ORC2: variants seen among roughly 807,000 people sequenced by gnomAD.
ORC2 encodes origin recognition complex subunit 2, also known as origin recognition complex protein 2 homolog.
In ORC2, 37 loss-of-function variants were observed where a neutral mutation model predicts 77.7. The ratio of observed to expected loss-of-function variants is 0.48; its 90% CI spans 0.37 to 0.63. ORC2 has a LOEUF of 0.63. Ranked by LOEUF, ORC2 falls within the 20% of genes least tolerant of loss-of-function variation. The pLI, the probability that ORC2 is intolerant of heterozygous loss-of-function variation, is 0.00. For synonymous variants in ORC2, 201 were observed against 229.5 expected, an observed-to-expected ratio of 0.88 and a Z score of 1.12; for missense variants, 557 against 661.9, an observed-to-expected ratio of 0.84 and a Z score of 1.74.
At chr2:200,935,419 A>G (rs965960445) in intron 9 of ORC2, among the ~76,000 whole-genome samples, 6 of 152,238 alleles carry the variant, frequency 3.9e-5, no homozygotes, top group African/African-American at 7.2e-5. Context: ...CACTGTGCCC[A>G]GCCTAAAAAG....
intron 15 of ORC2, among the ~76,000 whole-genome samples, chr2:200,916,556 CA>C (rs1231321813): frequency 6.6e-6 from 1 of 152,104 alleles, no homozygotes; most frequent in Non-Finnish European, 1.5e-5. Context: ...CATGGACCCT[CA>C]ACTTTACACA....
intron 15 of ORC2, among the ~76,000 whole-genome samples, chr2:200,916,993 CTTT>C (rs1165127308): frequency 8.5e-5 from 9 of 105,580 alleles, no homozygotes; most frequent in South Asian, 2.9e-4. Flanking sequence ...TGTGCCCCAC[CTTT>C]TTTTTTTTTT....
chr2:200,932,850 A>G (rs1575165286), intron 10 of ORC2, among the ~76,000 whole-genome samples: 2 of 152,278 alleles, frequency 1.3e-5, no homozygotes, highest in East Asian at 3.9e-4. Flanking sequence ...AGAAACATGG[A>G]GCAAATCCTA....
chr2:200,949,256 A>AAG (rs1172878291), intron 5 of ORC2, among the ~76,000 whole-genome samples: 1 of 151,804 alleles, frequency 6.6e-6, no homozygotes, highest in Non-Finnish European at 1.5e-5. Flanking sequence ...AAAAAAAAAA[A>AAG]GAAACTAAGC....
intron 13 of ORC2, 43 bp from the exon 14 acceptor site, chr2:200,921,182 G>A: frequency 2.2e-6 from 3 of 1,367,260 alleles, no homozygotes; most frequent in Non-Finnish European, 3.0e-6. Flanking sequence ...ATTATTTTTA[G>A]AGGGTCTCAC....
intron 17 of ORC2, among the ~76,000 whole-genome samples, chr2:200,911,905 C>A (rs530774105): frequency 6.6e-6 from 1 of 152,294 alleles, no homozygotes; most frequent in South Asian, 2.1e-4. Flanking sequence ...AGCTACTGTT[C>A]CCATTATCAC....
chr2:200,927,639 G>A (rs896261170), intron 11 of ORC2, among the ~76,000 whole-genome samples: 10 of 150,010 alleles, frequency 6.7e-5, no homozygotes, highest in Admixed American at 4.0e-4. Context: ...GCAGTGAGCC[G>A]AGATCCCGCC....
At chr2:200,954,758 T>G (rs1218785764) in intron 4 of ORC2, among the ~76,000 whole-genome samples, 2 of 152,020 alleles carry the variant, frequency 1.3e-5, no homozygotes, top group African/African-American at 2.4e-5. Context: ...TACTGAAATT[T>G]TTAGGGTGGG....
chr2:200,942,013 A>G lies in ORC2; in HGVS notation c.421+672T>C, dbSNP rs144050786. Among the ~76,000 whole-genome samples, 438 of 143,934 alleles carry G rather than the reference A, an allele frequency of 3.0e-3. 3 individuals are homozygous for G. The highest frequency in any genetic ancestry group is 0.01 in the African/African-American group (417 of 40,518). The allele number at this position is 143,934 out of a possible 152,430, so 94.4% of individuals were successfully genotyped here. A position where few individuals can be genotyped will look rare whatever the true frequency, so the allele number is the denominator to read the frequency against. On this transcript the variant is annotated intron_variant, in intron 6 of 17. Transcript: ENST00000234296. ...CGAGACTCCTTCTCAAAAAAAAAGA[A>G]AAAAAAAAAAGTACAATGGAGCCAG... is the stretch of plus-strand genomic sequence containing the variant.
chr2:200,945,827 C>T (rs1034924500), intron 5 of ORC2, among the ~76,000 whole-genome samples: 1 of 152,004 alleles, frequency 6.6e-6, no homozygotes, highest in African/African-American at 2.4e-5. Flanking sequence ...AGCTTGATTC[C>T]ATATCCTGGA....
chr2:200,930,670 T>C (rs1255467412), intron 11 of ORC2, among the ~76,000 whole-genome samples: 2 of 152,172 alleles, frequency 1.3e-5, no homozygotes, highest in African/African-American at 4.8e-5. Flanking sequence ...TGAGTGTGCA[T>C]GTATATTCAC....
At chr2:200,956,127 T>C (rs1199800912) in intron 4 of ORC2, among the ~76,000 whole-genome samples, 1 of 152,238 alleles carries the variant, frequency 6.6e-6, no homozygotes, top group Non-Finnish European at 1.5e-5. Flanking sequence ...AGTATAGTGA[T>C]GCAATCACAG....
At position 200,942,797 on chromosome 2, in the gene ORC2, T is replaced by A; in HGVS notation, c.329-20A>T. 1 of 1,496,500 alleles carries A rather than the reference T, an allele frequency of 6.7e-7. No individual in the cohort carries two copies. The highest frequency in any genetic ancestry group is 9.2e-7 in the Non-Finnish European group (1 of 1,083,820). The allele number at this position is 1,496,500 out of a possible 1,614,324, so 92.7% of individuals were successfully genotyped here. A position where few individuals can be genotyped will look rare whatever the true frequency, so the allele number is the denominator to read the frequency against. ...CTGAAGCTGTAAACAAAGAAATATA[T>A]AAAAACCTTTTAAAGGACAACAGTA... is the stretch of plus-strand genomic sequence containing the variant. On this transcript the variant is annotated intron_variant, in intron 5 of 17. Transcript: ENST00000234296.
chr2:200,962,048 T>A (rs898896617), intron 1 of ORC2, among the ~76,000 whole-genome samples: 4 of 152,248 alleles, frequency 2.6e-5, no homozygotes, highest in African/African-American at 9.6e-5. Flanking sequence ...TGTAGCCAAG[T>A]GCATTTATAC....
chr2:200,949,223 AGAGT>A (rs2041305207), intron 5 of ORC2, among the ~76,000 whole-genome samples: 1 of 151,714 alleles, frequency 6.6e-6, no homozygotes, highest in Non-Finnish European at 1.5e-5. Context: ...CTTGGGCAAC[AGAGT>A]GAGACTCCAC....
intron 1 of ORC2, among the ~76,000 whole-genome samples, chr2:200,962,264 T>C (rs1300961424): frequency 6.6e-6 from 1 of 152,262 alleles, no homozygotes; most frequent in Non-Finnish European, 1.5e-5. Context: ...GGCACTGCCT[T>C]GGTGCTTATA....
intron 1 of ORC2, among the ~76,000 whole-genome samples, chr2:200,961,638 G>A (rs1250988854): frequency 6.6e-6 from 1 of 152,142 alleles, no homozygotes; most frequent in African/African-American, 2.4e-5. Flanking sequence ...AAAGAGCATG[G>A]CCAGAGTCAG....
rs1201601578 is a variant in ORC2 at position 200,925,850 on chromosome 2, T to C, written c.1133A>G (p.Asn378Ser). The C allele has an allele frequency of 1.3e-6, 2 of 1,564,770 alleles. No individual in the cohort carries two copies. The highest frequency in any genetic ancestry group is 1.7e-5 in the Admixed American group (1 of 58,980). Residue 378 changes from asparagine (N) to serine (S), a missense_variant, in exon 13 of 18, where the codon AAC becomes AGC. Transcript: ENST00000234296. ...CTTCATGTTACCTTCTTTAAATTTG[T>C]TTACTATCCAGTCTAGCTGATCCAG... Reference protein sequence around the residue: ...SILDQLDWIVNKFKEDSSLEL... With the variant: ...SILDQLDWIVSKFKEDSSLEL...
intron 5 of ORC2, 152 bp from the exon 6 acceptor site, chr2:200,942,929 A>C (rs1357401770): frequency 2.2e-6 from 1 of 448,380 alleles, no homozygotes; most frequent in Non-Finnish European, 4.0e-6. Flanking sequence ...TACTGCTTTC[A>C]CCTTTATTAG....
Sources: allele counts gnomAD v4.1 joint callset (sites outside exome capture counted in the v4.1 genomes callset), GRCh38; gene constraint gnomAD v4.1.1; transcripts MANE v1.5; gene names NCBI Gene and HGNC (gene_info 2026-07-23, HGNC 2026-07-21).